TMEM178B: variants seen among roughly 807,000 people sequenced by gnomAD.
The protein encoded by TMEM178B is transmembrane protein 178B.
Under a neutral mutation model 31.0 loss-of-function variants are expected in TMEM178B, and 5 were observed. The ratio of observed to expected loss-of-function variants is 0.16; its 90% CI spans 0.08 to 0.34. The LOEUF (loss-of-function observed/expected upper bound fraction) is 0.34. TMEM178B is among the 10% of genes least tolerant of loss of function. TMEM178B has a pLI of 1.00. For missense variants in TMEM178B, 275 were observed against 400.3 expected (o/e 0.69, Z 2.67); for synonymous variants, 164 against 164.0 (o/e 1.00, Z 0.00).
At chr7:141,098,324 T>C (rs1178123898) in intron 1 of TMEM178B, among the ~76,000 whole-genome samples, 1 of 152,248 alleles carries the variant, frequency 6.6e-6, no homozygotes, top group Non-Finnish European at 1.5e-5. Flanking sequence ...CATACCAGAT[T>C]AAATACAGAA....
At chr7:141,410,731 C>T (rs560409653) in intron 2 of TMEM178B, among the ~76,000 whole-genome samples, 3 of 152,212 alleles carry the variant, frequency 2.0e-5, no homozygotes, top group Admixed American at 1.3e-4. Flanking sequence ...GGCACAAACT[C>T]TGAAAGAACT....
At chr7:141,201,803 A>G (rs1182188166) in intron 1 of TMEM178B, among the ~76,000 whole-genome samples, 1 of 152,160 alleles carries the variant, frequency 6.6e-6, no homozygotes, top group Non-Finnish European at 1.5e-5. Flanking sequence ...GGAAGCAAAC[A>G]TTTTGTCTTA....
intron 1 of TMEM178B, among the ~76,000 whole-genome samples, chr7:141,209,908 G>A (rs1325862692): frequency 6.6e-6 from 1 of 152,310 alleles, no homozygotes; most frequent in Non-Finnish European, 1.5e-5. Context: ...GGAGCCTGGG[G>A]TATGTGAAGG....
intron 1 of TMEM178B, among the ~76,000 whole-genome samples, chr7:141,130,307 A>G (rs762154290): frequency 2.1e-4 from 32 of 152,226 alleles, no homozygotes; most frequent in Non-Finnish European, 3.7e-4. Context: ...ACAGTTAAAT[A>G]AAACTCATCT....
chr7:141,098,676 G>C (rs575945266), intron 1 of TMEM178B, among the ~76,000 whole-genome samples: 47 of 152,318 alleles, frequency 3.1e-4, no homozygotes, highest in South Asian at 8.3e-4. Context: ...GTTCATACAA[G>C]TAAATGCCAT....
chr7:141,379,029 CA>C (rs1171502089), intron 2 of TMEM178B, among the ~76,000 whole-genome samples: 1 of 152,088 alleles, frequency 6.6e-6, no homozygotes, highest in Non-Finnish European at 1.5e-5. Context: ...TTGGGGGAAG[CA>C]CAGAGCAAAA....
At chr7:141,368,945 G>A (rs1040770463) in intron 2 of TMEM178B, among the ~76,000 whole-genome samples, 1 of 152,226 alleles carries the variant, frequency 6.6e-6, no homozygotes, top group Non-Finnish European at 1.5e-5. Flanking sequence ...GTTAGTGAGT[G>A]TTTGACTTGG....
intron 2 of TMEM178B, among the ~76,000 whole-genome samples, chr7:141,405,185 G>A (rs1800860300): frequency 6.6e-6 from 1 of 152,238 alleles, no homozygotes; most frequent in African/African-American, 2.4e-5. Flanking sequence ...TCCAGTGGAG[G>A]GCATAGGGAT....
At chr7:141,401,479 G>A (rs1036140615) in intron 2 of TMEM178B, among the ~76,000 whole-genome samples, 7 of 152,168 alleles carry the variant, frequency 4.6e-5, no homozygotes, top group South Asian at 4.1e-4. Flanking sequence ...AGTGTGGTGC[G>A]ATCATAGCTC....
At chr7:141,287,666 G>C (rs1238896837) in intron 2 of TMEM178B, among the ~76,000 whole-genome samples, 2 of 152,144 alleles carry the variant, frequency 1.3e-5, no homozygotes, top group African/African-American at 4.8e-5. Context: ...CAAAATCTGA[G>C]CCTTTTCAGG....
chr7:141,497,869 G>A, the TMEM178B span, among the ~76,000 whole-genome samples: 4 of 152,220 alleles, frequency 2.6e-5, no homozygotes, highest in Admixed American at 2.0e-4. Context: ...GGCTGACGGA[G>A]CAACTACAAC....
In TMEM178B at chr7:141,372,336, A is replaced by G. The variant is rs187577107; in HGVS notation, c.497-65272A>G. Among the ~76,000 whole-genome samples, 17 of 152,256 alleles carry G rather than the reference A, an allele frequency of 1.1e-4. No individual in the cohort carries two copies. The East Asian group carries it at 2.7e-3, about 24-fold the overall frequency. On this transcript the variant is annotated intron_variant, in intron 2 of 3. Coordinates refer to ENST00000565468, the MANE Select transcript of TMEM178B (RefSeq NM_001195278.2). The stretch of plus-strand genomic sequence containing the variant: ...CTCGCTGTCTCTGCTCGGGACACAC[A>G]GATCTCCAGGCTGTTCATCATGCAG...
intron 1 of TMEM178B, among the ~76,000 whole-genome samples, chr7:141,089,701 T>G (rs1053853449): frequency 6.6e-6 from 1 of 152,154 alleles, no homozygotes; most frequent in African/African-American, 2.4e-5. Flanking sequence ...TGAGTTCATG[T>G]CCTTTGTAGG....
At chr7:141,252,775 A>G (rs980127655) in intron 2 of TMEM178B, among the ~76,000 whole-genome samples, 3 of 152,160 alleles carry the variant, frequency 2.0e-5, no homozygotes, top group Non-Finnish European at 4.4e-5. Context: ...AGAAGTCTAG[A>G]TGTGTTGTTG....
In TMEM178B at chr7:141,473,890, C is replaced by T. The variant is rs1232664339; in HGVS notation, c.*3104C>T. 1 of 152,228 alleles carries T rather than the reference C, an allele frequency of 6.6e-6. No homozygotes were observed. Among genetic ancestry groups the T allele is most frequent in the Non-Finnish European group, 1.5e-5 (1 of 68,104 alleles). The allele number at this position is 152,228 out of a possible 1,614,324, so 9.4% of individuals were successfully genotyped here. A position where few individuals can be genotyped will look rare whatever the true frequency, so the allele number is the denominator to read the frequency against. The stretch of plus-strand genomic sequence containing the variant: ...TGACCACAGATTAAAACATGTGACT[C>T]CAACCAGTTACGGAAGCTTTCTGGC... On this transcript the variant is annotated 3_prime_UTR_variant, in exon 4 of 4. Transcript: ENST00000565468.
At chr7:141,438,825 A>G (rs912113276) in intron 3 of TMEM178B, among the ~76,000 whole-genome samples, 1 of 148,960 alleles carries the variant, frequency 6.7e-6, no homozygotes. Context: ...GCAGTAAGCC[A>G]AGATCGTGCC....
At chr7:141,339,120 A>G (rs1799473472) in intron 2 of TMEM178B, among the ~76,000 whole-genome samples, 1 of 152,050 alleles carries the variant, frequency 6.6e-6, no homozygotes, top group South Asian at 2.1e-4. Context: ...AAGCGGGGTA[A>G]TTTCTTCATA....
chr7:141,168,772 A>C (rs553376976), intron 1 of TMEM178B, among the ~76,000 whole-genome samples: 142 of 151,136 alleles, frequency 9.4e-4, no homozygotes, highest in Non-Finnish European at 1.4e-3. Flanking sequence ...TCTGTCCCCC[A>C]AAAAAAAAGA....
In TMEM178B at chr7:141,215,337, A is replaced by ATTTTTTTTTTT. The variant is rs67571979; in HGVS notation, c.496+2639_496+2640insTTTTTTTTTTT. On this transcript the variant is annotated intron_variant, in intron 2 of 3. Coordinates refer to ENST00000565468, the MANE Select transcript of TMEM178B (RefSeq NM_001195278.2). ...CATCTTTATTATTATTATTATTATT[A>ATTTTTTTTTTT]TTTTTTGAGATGGAGTCTCACTCTG... Among the ~76,000 whole-genome samples, 25 of 141,550 alleles carry ATTTTTTTTTTT rather than the reference A, an allele frequency of 1.8e-4. 1 individual carries two copies. Among genetic ancestry groups the ATTTTTTTTTTT allele is most frequent in the East Asian group, 8.3e-4 (4 of 4,820 alleles). 92.9% of individuals were successfully genotyped at this position (141,550 alleles called of 152,430 possible).
Sources: allele counts gnomAD v4.1 joint callset (sites outside exome capture counted in the v4.1 genomes callset), GRCh38; gene constraint gnomAD v4.1.1; transcripts MANE v1.5; gene names NCBI Gene and HGNC (gene_info 2026-07-23, HGNC 2026-07-21).